DLGAP1: variants seen among roughly 807,000 people sequenced by gnomAD.
The protein encoded by DLGAP1 is DLG associated protein 1, also known as disks large-associated protein 1.
In DLGAP1, 11 loss-of-function variants were observed where a neutral mutation model predicts 90.8. The ratio of observed to expected loss-of-function variants is 0.12; its 90% CI spans 0.08 to 0.20. The LOEUF (loss-of-function observed/expected upper bound fraction) is 0.20. Ranked by LOEUF, DLGAP1 falls within the 10% of genes least tolerant of loss-of-function variation. DLGAP1 has a pLI of 1.00. For missense variants in DLGAP1, 1,050 were observed against 1,333.8 expected (o/e 0.79, Z 3.31); for synonymous variants, 558 against 540.7 (o/e 1.03, Z -0.44).
At chr18:4,129,018 A>C (rs1268156213) in intron 2 of DLGAP1, among the ~76,000 whole-genome samples, 1 of 152,154 alleles carries the variant, frequency 6.6e-6, no homozygotes, top group Non-Finnish European at 1.5e-5. Flanking sequence ...CTATAGAGTG[A>C]ACAGAAGTTT....
At chr18:4,279,436 A>G (rs956421805) in intron 1 of DLGAP1, among the ~76,000 whole-genome samples, 2 of 152,244 alleles carry the variant, frequency 1.3e-5, no homozygotes, top group Non-Finnish European at 2.9e-5. Flanking sequence ...TTTAGGTTAA[A>G]GTAAAGTAAT....
chr18:3,871,653 A>G (rs1309392493), intron 4 of DLGAP1, among the ~76,000 whole-genome samples: 2 of 152,216 alleles, frequency 1.3e-5, no homozygotes, highest in African/African-American at 4.8e-5. Flanking sequence ...GGTGAAGTTC[A>G]ATATAATCAC....
chr18:3,763,559 CT>C (rs2064070517), intron 5 of DLGAP1, among the ~76,000 whole-genome samples: 1 of 152,154 alleles, frequency 6.6e-6, no homozygotes. Flanking sequence ...TTCTGGTAAG[CT>C]CTTTTTGGGT....
chr18:3,950,508 G>A (rs1026752191), intron 3 of DLGAP1, among the ~76,000 whole-genome samples: 4 of 152,196 alleles, frequency 2.6e-5, no homozygotes, highest in Non-Finnish European at 5.9e-5. Context: ...CAAGCCTCCT[G>A]AGGGCAAGGA....
intron 7 of DLGAP1, among the ~76,000 whole-genome samples, chr18:3,602,266 C>A (rs1406713297): frequency 6.6e-6 from 1 of 151,932 alleles, no homozygotes. Context: ...ACCAGATAAC[C>A]GAGACAGTGC....
intron 2 of DLGAP1, among the ~76,000 whole-genome samples, chr18:4,055,402 T>C (rs1420494985): frequency 6.6e-6 from 1 of 152,214 alleles, no homozygotes; most frequent in African/African-American, 2.4e-5. Flanking sequence ...GCACAGAACC[T>C]GATAGGTAGT....
At chr18:4,293,452 A>T (rs1018776412) in intron 1 of DLGAP1, 12 of 152,250 alleles carry the variant, frequency 7.9e-5, no homozygotes, top group African/African-American at 2.7e-4. Context: ...AAATCAGATT[A>T]AACTGCACTC....
chr18:4,017,304 AC>A (rs2074539278), intron 2 of DLGAP1, among the ~76,000 whole-genome samples: 1 of 152,202 alleles, frequency 6.6e-6, no homozygotes, highest in African/African-American at 2.4e-5. Flanking sequence ...ACTCGTGTAC[AC>A]CAAGGGTGTA....
At chr18:4,405,994 G>C (rs1567896363) in intron 1 of DLGAP1, among the ~76,000 whole-genome samples, 2 of 152,208 alleles carry the variant, frequency 1.3e-5, no homozygotes, top group Non-Finnish European at 2.9e-5. Context: ...CCTGGTTATG[G>C]AATTTTCTGG....
At chr18:3,988,059 G>C (rs922002918) in intron 3 of DLGAP1, among the ~76,000 whole-genome samples, 6 of 151,920 alleles carry the variant, frequency 3.9e-5, no homozygotes, top group South Asian at 2.1e-4. Flanking sequence ...CTCACCATAA[G>C]GTAGAATCAA....
chr18:4,257,339 T>C (rs995583213), intron 1 of DLGAP1, among the ~76,000 whole-genome samples: 1 of 152,098 alleles, frequency 6.6e-6, no homozygotes, highest in Non-Finnish European at 1.5e-5. Flanking sequence ...GAAGGGAAAA[T>C]AGAGTCTGAT....
At chr18:4,096,890 C>T (rs902788159) in intron 2 of DLGAP1, among the ~76,000 whole-genome samples, 4 of 152,134 alleles carry the variant, frequency 2.6e-5, no homozygotes, top group Non-Finnish European at 5.9e-5. Flanking sequence ...AACAATGGTA[C>T]CTGGCAAAGT....
At chr18:3,998,673 A>G (rs2074118209) in intron 3 of DLGAP1, among the ~76,000 whole-genome samples, 1 of 152,182 alleles carries the variant, frequency 6.6e-6, no homozygotes, top group African/African-American at 2.4e-5. Context: ...ATTCAAGTAG[A>G]GGACTTTTTT....
intron 9 of DLGAP1, among the ~76,000 whole-genome samples, chr18:3,561,479 A>G (rs367706251): frequency 7.1e-6 from 1 of 140,784 alleles, no homozygotes; most frequent in Non-Finnish European, 1.5e-5. Flanking sequence ...GAAAGTTTTT[A>G]TTTTAGTTTC....
intron 1 of DLGAP1, among the ~76,000 whole-genome samples, chr18:4,304,049 C>A (rs1416739815): frequency 6.6e-6 from 1 of 152,198 alleles, no homozygotes; most frequent in African/African-American, 2.4e-5. Flanking sequence ...ATCAGACATA[C>A]TTGTGGATGC....
chr18:4,112,802 C>T (rs1354220438), intron 2 of DLGAP1, among the ~76,000 whole-genome samples: 2 of 152,090 alleles, frequency 1.3e-5, no homozygotes, highest in Non-Finnish European at 2.9e-5. Flanking sequence ...TTTTTGCTAT[C>T]TTTATATCCA....
intron 9 of DLGAP1, among the ~76,000 whole-genome samples, chr18:3,543,705 A>G (rs1465019603): frequency 6.6e-6 from 1 of 152,196 alleles, no homozygotes; most frequent in Non-Finnish European, 1.5e-5. Flanking sequence ...AATGAAGAAC[A>G]GTGATCACTG....
intron 1 of DLGAP1, among the ~76,000 whole-genome samples, chr18:4,428,827 T>G (rs2083214873): frequency 6.6e-6 from 1 of 152,228 alleles, no homozygotes; most frequent in African/African-American, 2.4e-5. Flanking sequence ...ACTGCTTCTA[T>G]TTGTTTCAGT....
intron 2 of DLGAP1, among the ~76,000 whole-genome samples, chr18:4,059,078 T>C (rs534451898): frequency 6.6e-6 from 1 of 152,192 alleles, no homozygotes; most frequent in South Asian, 2.1e-4. Context: ...AGGGCAGTGG[T>C]AAGACCAGTA....
Sources: gnomAD v4.1 joint callset for allele counts (sites outside exome capture counted in the v4.1 genomes callset) on GRCh38, gnomAD v4.1.1 for gene constraint, MANE v1.5 for transcripts, NCBI Gene and HGNC (gene_info 2026-07-23, HGNC 2026-07-21) for gene names.